Variants in ELF2 observed in about 807,000 individuals in gnomAD.
ELF2 encodes the protein E74 like ETS transcription factor 2.
A neutral mutation model predicts 54.8 loss-of-function variants in ELF2; 11 were observed. The ratio of observed to expected loss-of-function variants is 0.20; its 90% CI spans 0.13 to 0.33. The LOEUF (loss-of-function observed/expected upper bound fraction) is 0.33. Ranked by LOEUF, ELF2 falls within the 10% of genes least tolerant of loss-of-function variation. ELF2 has a pLI of 1.00. For synonymous variants in ELF2, 203 were observed against 245.1 expected (o/e 0.83, Z 1.61); for missense variants, 513 against 703.0 (o/e 0.73, Z 3.06).
At chr4:139,063,225 T>A (rs1045445042) in intron 7 of ELF2, among the ~76,000 whole-genome samples, 17 of 152,010 alleles carry the variant, frequency 1.1e-4, no homozygotes, top group African/African-American at 3.9e-4. Flanking sequence ...ACCACTGCAC[T>A]CCAGCCTGGG....
chr4:139,081,939 G>A (rs917619247), intron 4 of ELF2, among the ~76,000 whole-genome samples: 5 of 151,976 alleles, frequency 3.3e-5, no homozygotes, highest in Non-Finnish European at 5.9e-5. Flanking sequence ...TTTAAGATTC[G>A]TATATAGTAC....
At chr4:139,060,754 C>G in intron 8 of ELF2, 80 bp from the exon 9 acceptor site, 1 of 1,153,790 alleles carries the variant, frequency 8.7e-7, no homozygotes, top group Non-Finnish European at 1.2e-6. Flanking sequence ...AGACCACATA[C>G]AGTGGATACT....
At chr4:139,106,740 C>CTTTTTTTT (rs35312494) in intron 4 of ELF2, among the ~76,000 whole-genome samples, 3 of 93,758 alleles carry the variant, frequency 3.2e-5, no homozygotes, top group Non-Finnish European at 6.4e-5. Context: ...AACTATATTT[C>CTTTTTTTT]TTTTTTTTTT....
intron 4 of ELF2, among the ~76,000 whole-genome samples, chr4:139,088,285 A>C (rs1190825706): frequency 3.8e-4 from 2 of 5,200 alleles, no homozygotes; most frequent in Non-Finnish European, 7.0e-4. Flanking sequence ...GACTCTGTCT[A>C]AAAAAAAAAA....
rs1406441205 is a variant in ELF2, at chr4:139,144,211, A to AC, written c.-251-4715dup. ...GAGAGAGATTACCTCCAGAGTATAC[A>AC]CCCCCACTATGAAAACTAGAAATCC... is the stretch of plus-strand genomic sequence containing the variant. On this transcript the variant is annotated intron_variant, in intron 1 of 9. Coordinates refer to ENST00000686138, the MANE Select transcript of ELF2 (RefSeq NM_001331036.3). Among the ~76,000 whole-genome samples, 3 of 152,044 alleles carry AC rather than the reference A, an allele frequency of 2.0e-5. No individual in the cohort carries two copies. The East Asian group carries it at 5.8e-4, about 30-fold the overall frequency.
chr4:139,158,121 G>C (rs1212020296), intron 1 of ELF2, among the ~76,000 whole-genome samples: 1 of 152,114 alleles, frequency 6.6e-6, no homozygotes. Context: ...ATTTGGGTAG[G>C]TAATGGAAAA....
At chr4:139,087,716 C>T (rs902536768) in intron 4 of ELF2, among the ~76,000 whole-genome samples, 3 of 152,136 alleles carry the variant, frequency 2.0e-5, no homozygotes, top group African/African-American at 7.2e-5. Context: ...CCGCCCTCCC[C>T]GGCCTCCCAA....
intron 4 of ELF2, among the ~76,000 whole-genome samples, chr4:139,108,431 G>A (rs956012394): frequency 4.6e-4 from 70 of 152,124 alleles, no homozygotes; most frequent in African/African-American, 1.6e-3. Context: ...CTATGTTATG[G>A]AAGCTTATTA....
chr4:139,129,634 A>G (rs1240894809), intron 3 of ELF2, among the ~76,000 whole-genome samples: 3 of 152,226 alleles, frequency 2.0e-5, no homozygotes, highest in Non-Finnish European at 4.4e-5. Flanking sequence ...TCTGTCCTTT[A>G]AAGTCCCATG....
chr4:139,174,299 G>A (rs1742679935), intron 1 of ELF2, among the ~76,000 whole-genome samples: 1 of 150,106 alleles, frequency 6.7e-6, no homozygotes, highest in South Asian at 2.1e-4. Flanking sequence ...TACTTTGAAA[G>A]CATTATGCTA....
Position 139,059,147 on chromosome 4 carries a change from C to A in ELF2, c.1618G>T (p.Val540Leu). Reference sequence around the variant, plus strand: ...ACATCATGTTCTTGCTTTTTTGCCACTGCTTCCGATTTAACCTCTGGCCCC... The same window carrying A: ...ACATCATGTTCTTGCTTTTTTGCCAATGCTTCCGATTTAACCTCTGGCCCC... ...IKGPEVKSEA[V>L]AKKQEHDVKT... Residue 540 changes from valine to leucine, a missense_variant, in exon 10 of 10, where the codon GTG (valine) becomes TTG (leucine). By Grantham distance (32) the Val-to-Leu change is conservative. Coordinates refer to ENST00000686138, the MANE Select transcript of ELF2 (RefSeq NM_001331036.3). 2 of 1,613,960 alleles carry A rather than the reference C, an allele frequency of 1.2e-6. No homozygotes were observed.
intron 4 of ELF2, among the ~76,000 whole-genome samples, chr4:139,123,639 G>A (rs1037228867): frequency 9.2e-5 from 14 of 152,136 alleles, no homozygotes; most frequent in African/African-American, 3.4e-4. Context: ...CAAATTTGGT[G>A]CTATAGTTTT....
chr4:139,079,716 A>C (rs1198244718), intron 4 of ELF2, among the ~76,000 whole-genome samples: 1 of 152,210 alleles, frequency 6.6e-6, no homozygotes, highest in Non-Finnish European at 1.5e-5. Context: ...TTTCAAGACC[A>C]GCCTGGCCAA....
chr4:139,133,505 T>C (rs913911709), intron 3 of ELF2, among the ~76,000 whole-genome samples: 4 of 152,242 alleles, frequency 2.6e-5, no homozygotes, highest in African/African-American at 9.6e-5. Context: ...TCAACTCTGT[T>C]CTTAACCACA....
chr4:139,075,706 G>A (rs1168346879), intron 4 of ELF2, among the ~76,000 whole-genome samples: 1 of 152,210 alleles, frequency 6.6e-6, no homozygotes, highest in African/African-American at 2.4e-5. Context: ...TGGGATTACA[G>A]GCATGAGCCA....
intron 3 of ELF2, among the ~76,000 whole-genome samples, chr4:139,127,497 A>G (rs1387436111): frequency 6.6e-6 from 1 of 152,186 alleles, no homozygotes; most frequent in Non-Finnish European, 1.5e-5. Flanking sequence ...TAGCTTGGTA[A>G]ACTATTTTTT....
chr4:139,089,960 C>CT (rs1732403965), intron 4 of ELF2, among the ~76,000 whole-genome samples: 1 of 152,182 alleles, frequency 6.6e-6, no homozygotes, highest in Admixed American at 6.5e-5. Context: ...GTATGGGTCT[C>CT]ACTCTGTCAC....
chr4:139,115,171 C>T (rs1263589834), intron 4 of ELF2: 2 of 1,612,536 alleles, frequency 1.2e-6, no homozygotes, highest in Non-Finnish European at 8.5e-7. Flanking sequence ...TAGGTTGAGG[C>T]GCTTCCGTAG....
At chr4:139,122,955 C>T (rs1477796560) in intron 4 of ELF2, among the ~76,000 whole-genome samples, 8 of 151,766 alleles carry the variant, frequency 5.3e-5, no homozygotes, top group Non-Finnish European at 1.2e-4. Context: ...GAGGCCGAGG[C>T]GGGCAGATCA....
Sources: allele counts gnomAD v4.1 joint callset (sites outside exome capture counted in the v4.1 genomes callset), GRCh38; gene constraint gnomAD v4.1.1; transcripts MANE v1.5; gene names NCBI Gene and HGNC (gene_info 2026-07-23, HGNC 2026-07-21).